Variants in LHFPL6 observed in about 807,000 individuals in gnomAD.
LHFPL6 encodes LHFPL tetraspan subfamily member 6 protein.
LHFPL6 carries 9 observed loss-of-function variants against 20.6 expected under a neutral mutation model. That is an observed-to-expected ratio of 0.44 (90% confidence interval 0.26 to 0.76). The LOEUF (loss-of-function observed/expected upper bound fraction) is 0.76. Among genes scored for constraint, LHFPL6 ranks in the 30% least tolerant of loss-of-function variants. The pLI, the probability that LHFPL6 is intolerant of heterozygous loss-of-function variation, is 0.20. For synonymous variants in LHFPL6, 105 were observed against 98.7 expected (o/e 1.06, Z -0.38); for missense variants, 218 against 253.5 (o/e 0.86, Z 0.95).
intron 2 of LHFPL6, among the ~76,000 whole-genome samples, chr13:39,441,675 G>A (rs569114101): frequency 2.0e-5 from 3 of 151,766 alleles, no homozygotes; most frequent in African/African-American, 7.2e-5. Context: ...ACCATGCCCA[G>A]CTAATTACTG....
chr13:39,481,082 TG>T (rs1487823729), intron 2 of LHFPL6, among the ~76,000 whole-genome samples: 1 of 152,228 alleles, frequency 6.6e-6, no homozygotes, highest in African/African-American at 2.4e-5. Context: ...TTTTTCTCCC[TG>T]TATTTTTAAA....
intron 2 of LHFPL6, among the ~76,000 whole-genome samples, chr13:39,599,591 G>C (rs1244238936): frequency 6.6e-6 from 1 of 152,140 alleles, no homozygotes; most frequent in Non-Finnish European, 1.5e-5. Context: ...ACCCAAATGA[G>C]AACAAAGTTA....
intron 3 of LHFPL6, among the ~76,000 whole-genome samples, chr13:39,350,912 T>C (rs1869554023): frequency 6.6e-6 from 1 of 152,184 alleles, no homozygotes; most frequent in African/African-American, 2.4e-5. Flanking sequence ...GTTTTTAGTA[T>C]AGCTTTTGGA....
At chr13:39,392,501 G>C (rs9566420) in intron 2 of LHFPL6, among the ~76,000 whole-genome samples, 1 of 152,152 alleles carries the variant, frequency 6.6e-6, no homozygotes, top group Admixed American at 6.5e-5. Flanking sequence ...GGCTAAGGCA[G>C]GAGAATCGCT....
chr13:39,387,587 C>G (rs1457265831), intron 2 of LHFPL6, among the ~76,000 whole-genome samples: 3 of 150,992 alleles, frequency 2.0e-5, no homozygotes, highest in African/African-American at 7.3e-5. Context: ...TATCATTACC[C>G]CTGTTTAATA....
intron 2 of LHFPL6, among the ~76,000 whole-genome samples, chr13:39,506,654 A>G (rs906427103): frequency 6.6e-5 from 10 of 152,124 alleles, no homozygotes; most frequent in Non-Finnish European, 5.9e-5. Flanking sequence ...CTCCTTAAGA[A>G]GCATAAGAAA....
chr13:39,396,244 T>C (rs1870839212), intron 2 of LHFPL6, among the ~76,000 whole-genome samples: 1 of 152,120 alleles, frequency 6.6e-6, no homozygotes. Flanking sequence ...CTACCTGCTT[T>C]CTGATGGGGC....
intron 2 of LHFPL6, among the ~76,000 whole-genome samples, chr13:39,572,936 A>G (rs964724364): frequency 1.1e-4 from 17 of 152,350 alleles, no homozygotes; most frequent in Admixed American, 9.8e-4. Context: ...TTCATAGGAA[A>G]GTAATGAATA....
chr13:39,542,229 T>C (rs1397270657), intron 2 of LHFPL6, among the ~76,000 whole-genome samples: 1 of 152,004 alleles, frequency 6.6e-6, no homozygotes, highest in Non-Finnish European at 1.5e-5. Flanking sequence ...CAATATTCTG[T>C]ATCTTCACCT....
At chr13:39,356,164 T>C (rs1218935257) in intron 3 of LHFPL6, among the ~76,000 whole-genome samples, 2 of 151,990 alleles carry the variant, frequency 1.3e-5, no homozygotes, top group Admixed American at 1.3e-4. Context: ...AGTAAAATCA[T>C]ACCAAGCACA....
chr13:39,344,137 G>C (rs1185833872), intron 3 of LHFPL6, 83 bp from the exon 4 acceptor site: 7 of 1,084,522 alleles, frequency 6.5e-6, no homozygotes, highest in Non-Finnish European at 9.7e-6. Flanking sequence ...CCAGTGTGTG[G>C]GTTCTGAAAC....
intron 2 of LHFPL6, among the ~76,000 whole-genome samples, chr13:39,483,400 CT>C (rs201109262): frequency 2.6e-3 from 395 of 152,024 alleles, no homozygotes; most frequent in African/African-American, 8.7e-3. Flanking sequence ...TCTTTGCCCC[CT>C]ATCTCAAGTC....
At chr13:39,582,999 T>A (rs1244845649) in intron 2 of LHFPL6, among the ~76,000 whole-genome samples, 1 of 152,138 alleles carries the variant, frequency 6.6e-6, no homozygotes, top group Non-Finnish European at 1.5e-5. Flanking sequence ...TATTATTGCA[T>A]TCTCTGTCAG....
intron 3 of LHFPL6, among the ~76,000 whole-genome samples, chr13:39,376,737 T>C (rs1449503213): frequency 6.6e-6 from 1 of 152,214 alleles, no homozygotes; most frequent in Non-Finnish European, 1.5e-5. Flanking sequence ...CAATTTTTCT[T>C]CTTAAAGTAT....
chr13:39,595,534 C>T (rs1872746240), intron 2 of LHFPL6, among the ~76,000 whole-genome samples: 2 of 152,170 alleles, frequency 1.3e-5, no homozygotes, highest in Admixed American at 6.5e-5. Context: ...CTCAGGTGAT[C>T]GGCCTGCCTT....
chr13:39,505,693 A>G (rs917587417), intron 2 of LHFPL6, among the ~76,000 whole-genome samples: 6 of 152,166 alleles, frequency 3.9e-5, no homozygotes, highest in Non-Finnish European at 7.4e-5. Flanking sequence ...GTGTCAAACA[A>G]GGTTTGGGGG....
At chr13:39,362,893 AGTGGGGAAG>A (rs1258252638) in intron 3 of LHFPL6, among the ~76,000 whole-genome samples, 3 of 152,230 alleles carry the variant, frequency 2.0e-5, no homozygotes, top group African/African-American at 7.2e-5. Context: ...ACCTGTGTCC[AGTGGGGAAG>A]GAACAGAGTG....
intron 2 of LHFPL6, among the ~76,000 whole-genome samples, chr13:39,588,904 C>G (rs2138546552): frequency 6.6e-6 from 1 of 152,248 alleles, no homozygotes; most frequent in Non-Finnish European, 1.5e-5. Context: ...AAACAGAGAA[C>G]CATAAAATGA....
intron 2 of LHFPL6, among the ~76,000 whole-genome samples, chr13:39,534,016 C>G (rs1486325535): frequency 6.6e-6 from 1 of 152,132 alleles, no homozygotes; most frequent in Middle Eastern, 3.4e-3. Context: ...TCAGAAATAT[C>G]AAAAACAGAC....
Sources: allele counts gnomAD v4.1 joint callset (sites outside exome capture counted in the v4.1 genomes callset), GRCh38; gene constraint gnomAD v4.1.1; transcripts MANE v1.5; gene names NCBI Gene and HGNC (gene_info 2026-07-23, HGNC 2026-07-21).